USP4: variants seen among roughly 807,000 people sequenced by gnomAD.
The protein encoded by USP4 is ubiquitin carboxyl-terminal hydrolase 4.
In USP4, 72 loss-of-function variants were observed where a neutral mutation model predicts 118.2. The ratio of observed to expected loss-of-function variants is 0.61; its 90% CI spans 0.50 to 0.74. The LOEUF is 0.74. Ranked by LOEUF, USP4 falls within the 30% of genes least tolerant of loss-of-function variation. The pLI, the probability that USP4 is intolerant of heterozygous loss-of-function variation, is 0.00. For missense variants in USP4, 1,037 were observed against 1,185.7 expected, an observed-to-expected ratio of 0.87 and a Z score of 1.84; for synonymous variants, 415 against 440.4, an observed-to-expected ratio of 0.94 and a Z score of 0.72.
At chr3:49,323,319 C>T (rs1448413639) in intron 6 of USP4, among the ~76,000 whole-genome samples, 1 of 151,412 alleles carries the variant, frequency 6.6e-6, no homozygotes, top group Non-Finnish European at 1.5e-5. Flanking sequence ...CTTGCTGTCG[C>T]CCAGGCTGGA....
Position 49,278,470 on chromosome 3 carries a change from A to G in USP4, c.2734-19T>C. 6.2e-7 allele frequency: 1 copy of G among 1,610,728 alleles called. No homozygotes were observed. Among genetic ancestry groups the G allele is most frequent in the South Asian group, 1.1e-5 (1 of 90,666 alleles). ...CTTTAGTCTGAAATACAAGAGGGGG[A>G]AAGACCATTCAGTGCTTGGAAAAAT... On this transcript the variant is annotated intron_variant, in intron 21 of 21. Transcript: ENST00000265560.
intron 6 of USP4, among the ~76,000 whole-genome samples, chr3:49,317,879 AG>A (rs1248203564): frequency 6.7e-6 from 1 of 148,910 alleles, no homozygotes; most frequent in African/African-American, 2.5e-5. Flanking sequence ...CTTGTTGCCC[AG>A]GCTGGAAAGC....
intron 14 of USP4, 40 bp from the exon 15 acceptor site, chr3:49,292,638 G>C (rs2047163349): frequency 7.2e-7 from 1 of 1,380,564 alleles, no homozygotes; most frequent in Non-Finnish European, 9.9e-7. Context: ...AAGATTGTTA[G>C]TTGTAACATT....
intron 15 of USP4, among the ~76,000 whole-genome samples, chr3:49,289,626 T>A (rs1237253434): frequency 6.6e-6 from 1 of 152,172 alleles, no homozygotes; most frequent in African/African-American, 2.4e-5. Flanking sequence ...ATCCCAGCAC[T>A]TTGGGAAGCC....
intron 8 of USP4, among the ~76,000 whole-genome samples, chr3:49,309,477 C>T (rs2107786503): frequency 6.6e-6 from 1 of 152,206 alleles, no homozygotes; most frequent in East Asian, 1.9e-4. Context: ...AGGCTGGCTT[C>T]AAACTCCTGG....
Position 49,310,556 on chromosome 3 carries a change from T to C in USP4, c.954+64A>G, listed in dbSNP as rs763810126. 4.1e-5 allele frequency: 58 copies of C among 1,401,534 alleles called. 1 individual carries two copies. The Middle Eastern group carries it at 1.4e-3, about 35-fold the overall frequency. 86.8% of individuals were successfully genotyped at this position (1,401,534 alleles called of 1,614,324 possible). A position where few individuals can be genotyped will look rare whatever the true frequency, so the allele number is the denominator to read the frequency against. ...TGGGAGAGGATCCACCCAGTACCTT[T>C]GCAGGCCACTTCCACCCAAACCTCA... On this transcript the variant is annotated intron_variant, in intron 8 of 21. Transcript: ENST00000265560.
intron 16 of USP4, among the ~76,000 whole-genome samples, chr3:49,285,500 G>C (rs2047082843): frequency 6.6e-6 from 1 of 152,114 alleles, no homozygotes; most frequent in African/African-American, 2.4e-5. Context: ...ACAAATATTA[G>C]CTGGGTGTGG....
At chr3:49,320,198 G>C (rs1179044802) in intron 6 of USP4, among the ~76,000 whole-genome samples, 1 of 152,190 alleles carries the variant, frequency 6.6e-6, no homozygotes, top group Non-Finnish European at 1.5e-5. Context: ...TGGGATTACA[G>C]GTATAAGCCA....
rs562008427 is a variant in USP4, at chr3:49,283,164, C to T, written c.2540+823G>A. Among the ~76,000 whole-genome samples, 103 of 151,208 alleles carry T rather than the reference C, an allele frequency of 6.8e-4. 1 individual carries two copies. Among genetic ancestry groups the T allele is most frequent in the Admixed American group, 2.2e-3 (34 of 15,176 alleles). Reference sequence around the variant, plus strand: ...CTGAGTAGCTGGGACCACAGGTGTGCGCCACCACATCCAGCTAACTTTTGC... The same window carrying T: ...CTGAGTAGCTGGGACCACAGGTGTGTGCCACCACATCCAGCTAACTTTTGC... On this transcript the variant is annotated intron_variant, in intron 19 of 21. Transcript: ENST00000265560.
At position 49,302,431 on chromosome 3, in the gene USP4, T is replaced by C. The variant is rs775361107; in HGVS notation, c.1240A>G (p.Lys414Glu). 9.3e-6 allele frequency: 15 copies of C among 1,614,156 alleles called. 1 individual carries two copies. In the South Asian group the frequency reaches 1.5e-4, roughly 17 times the overall value. Residue 414 changes from lysine (K) to glutamate (E), a missense_variant, in exon 10 of 22, where the codon AAA becomes GAA. Lys to Glu is a moderately conservative substitution (Grantham distance 56, BLOSUM62 1). Coordinates refer to ENST00000265560, the MANE Select transcript of USP4 (RefSeq NM_003363.4). ...GLHEDLNRVK[K>E]KPYLELKDAN... ...TCCTTCAGCTCCAAGTAGGGCTTTT[T>C]CTTTACCCGGTTCAGATCTTCATGC...
intron 12 of USP4, 135 bp downstream of exon 12, chr3:49,298,417 C>T: frequency 2.5e-6 from 2 of 798,722 alleles, no homozygotes; most frequent in Non-Finnish European, 4.4e-6. Flanking sequence ...AGTGAGGCAT[C>T]CAGACACACA....
At chr3:49,337,364 C>G (rs957560589) in intron 1 of USP4, among the ~76,000 whole-genome samples, 12 of 151,882 alleles carry the variant, frequency 7.9e-5, no homozygotes, top group African/African-American at 1.2e-4. Flanking sequence ...TTCATCTTGT[C>G]AAAAAGCATT....
chr3:49,277,146 C>A lies in USP4; in HGVS notation c.*1147G>T. ...CCCAGGCCGCTGGCCCTACCGGCACCCCCCCTTTGGCGAGTCGGCAGCCAC... is the reference window on the plus strand; with the variant it reads ...CCCAGGCCGCTGGCCCTACCGGCACACCCCCTTTGGCGAGTCGGCAGCCAC... On this transcript the variant is annotated 3_prime_UTR_variant, in exon 22 of 22. Transcript: ENST00000265560. The A allele has an allele frequency of 6.9e-7, 1 of 1,442,322 alleles. No homozygotes were observed. The highest frequency in any genetic ancestry group is 2.1e-5 in the Admixed American group (1 of 47,964). 89.3% of individuals were successfully genotyped at this position (1,442,322 alleles called of 1,614,324 possible). A position where few individuals can be genotyped will look rare whatever the true frequency, so the allele number is the denominator to read the frequency against.
At chr3:49,333,617 A>G (rs1575623786) in intron 2 of USP4, among the ~76,000 whole-genome samples, 2 of 152,040 alleles carry the variant, frequency 1.3e-5, no homozygotes, top group African/African-American at 4.8e-5. Context: ...AAGCCTGAGG[A>G]GAGAGAGAGA....
chr3:49,319,326 G>A (rs898689871), intron 6 of USP4, among the ~76,000 whole-genome samples: 2 of 150,928 alleles, frequency 1.3e-5, no homozygotes, highest in African/African-American at 2.4e-5. Flanking sequence ...TCGGCTGACC[G>A]CAACCTCCGC....
At chr3:49,337,443 C>T (rs747184925) in intron 1 of USP4, among the ~76,000 whole-genome samples, 2 of 151,798 alleles carry the variant, frequency 1.3e-5, no homozygotes, top group African/African-American at 2.4e-5. Context: ...TTTTATTTAC[C>T]TATTTATTTC....
At chr3:49,280,583 TA>T (rs1276346608) in intron 20 of USP4, among the ~76,000 whole-genome samples, 160 bp downstream of exon 20, 3 of 145,450 alleles carry the variant, frequency 2.1e-5, no homozygotes, top group Non-Finnish European at 3.0e-5. Flanking sequence ...AAAAAAGAAT[TA>T]AAAAAAAACA....
intron 1 of USP4, among the ~76,000 whole-genome samples, chr3:49,339,202 G>A (rs938332378): frequency 6.6e-6 from 1 of 152,120 alleles, no homozygotes; most frequent in African/African-American, 2.4e-5. Context: ...GCAAAGTCTA[G>A]CCTTAGTTTT....
At position 49,277,430 on chromosome 3, in the gene USP4, C is replaced by A; in HGVS notation, c.*863G>T. The stretch of plus-strand genomic sequence containing the variant: ...GGAAAGAACCCGTTCTAGAAAGCAT[C>A]TGGGTAACACCAAAATGTATTACTA... On this transcript the variant is annotated 3_prime_UTR_variant, in exon 22 of 22. Coordinates refer to ENST00000265560, the MANE Select transcript of USP4 (RefSeq NM_003363.4). 3.4e-6 allele frequency: 1 copy of A among 293,852 alleles called. No homozygotes were observed. Among genetic ancestry groups the A allele is most frequent in the Non-Finnish European group, 6.8e-6 (1 of 147,160 alleles). The allele number at this position is 293,852 out of a possible 1,614,324, so 18.2% of individuals were successfully genotyped here. A position where few individuals can be genotyped will look rare whatever the true frequency, so the allele number is the denominator to read the frequency against.
Sources: gnomAD v4.1 joint callset for allele counts (sites outside exome capture counted in the v4.1 genomes callset) on GRCh38, gnomAD v4.1.1 for gene constraint, MANE v1.5 for transcripts, NCBI Gene and HGNC (gene_info 2026-07-23, HGNC 2026-07-21) for gene names.